Variants in GSE1 observed in about 807,000 individuals in gnomAD.
The protein encoded by GSE1 is genetic suppressor element 1.
Under a neutral mutation model 112.6 loss-of-function variants are expected in GSE1, and 32 were observed. The observed-to-expected ratio is 0.28, with a 90% CI of 0.21 to 0.38. The LOEUF (loss-of-function observed/expected upper bound fraction) is 0.38, where lower values mean the gene tolerates loss of function less well. Ranked by LOEUF, GSE1 falls within the 10% of genes least tolerant of loss-of-function variation. The probability of loss-of-function intolerance (pLI) is 1.00; values close to 1 mark genes in which losing one functional copy is unlikely to be tolerated. For synonymous variants in GSE1, 1,115 were observed against 735.6 expected (o/e 1.52, Z -8.35); for missense variants, 2,348 against 1,699.2 (o/e 1.38, Z -6.71).
intron 2 of GSE1, among the ~76,000 whole-genome samples, chr16:85,425,355 GA>G (rs1331700165): frequency 2.0e-5 from 2 of 102,382 alleles, no homozygotes; most frequent in Non-Finnish European, 4.9e-5. Context: ...AGGGCCAAGG[GA>G]AAGGGTGGAG....
intron 1 of GSE1, among the ~76,000 whole-genome samples, chr16:85,272,697 A>G (rs2144192624): frequency 6.6e-6 from 1 of 151,664 alleles, no homozygotes; most frequent in South Asian, 2.1e-4. Flanking sequence ...GAGAAAAGAG[A>G]ACCTGAAGCT....
At chr16:85,492,274 G>A (rs944365928) in intron 2 of GSE1, among the ~76,000 whole-genome samples, 2 of 152,158 alleles carry the variant, frequency 1.3e-5, no homozygotes, top group African/African-American at 4.8e-5. Flanking sequence ...CCGTCGGCCT[G>A]TGCTGAGGTT....
chr16:85,472,484 A>G (rs2050325877), intron 2 of GSE1, among the ~76,000 whole-genome samples: 1 of 152,196 alleles, frequency 6.6e-6, no homozygotes. Context: ...AGGACAGCTC[A>G]TTGGCCTTAG....
At chr16:85,478,945 CTT>C (rs557331164) in intron 2 of GSE1, among the ~76,000 whole-genome samples, 1 of 84,688 alleles carries the variant, frequency 1.2e-5, no homozygotes, top group Non-Finnish European at 2.3e-5. Context: ...TTCTTTCTTT[CTT>C]TTTTTTTCTT....
chr16:85,422,578 CA>C (rs2048873957), intron 2 of GSE1, among the ~76,000 whole-genome samples: 1 of 116,776 alleles, frequency 8.6e-6, no homozygotes, highest in Non-Finnish European at 1.9e-5. Context: ...CTGTTCTGGC[CA>C]AAAGAAAAAA....
intron 3 of GSE1, among the ~76,000 whole-genome samples, chr16:85,651,421 C>G (rs1418401564): frequency 6.6e-6 from 1 of 152,120 alleles, no homozygotes; most frequent in East Asian, 2.0e-4. Context: ...GCCCCCCGGA[C>G]TCCCTGTTTG....
chr16:85,415,614 G>T (rs2048686339), intron 2 of GSE1, among the ~76,000 whole-genome samples: 1 of 152,238 alleles, frequency 6.6e-6, no homozygotes, highest in African/African-American at 2.4e-5. Flanking sequence ...GGCCTCTGCT[G>T]ACCCCGTGAT....
At chr16:85,335,693 A>G (rs1378819832) in intron 1 of GSE1, among the ~76,000 whole-genome samples, 1 of 152,196 alleles carries the variant, frequency 6.6e-6, no homozygotes, top group Non-Finnish European at 1.5e-5. Flanking sequence ...CAGCAATAAC[A>G]CTGTTGGCTG....
At chr16:85,284,869 T>C (rs2968429) in intron 1 of GSE1, 115,229 of 152,156 alleles carry the variant, frequency 0.76, 44,588 homozygotes, top group East Asian at 0.9. Context: ...GGTGTCTGGG[T>C]TCTTTTTTGG....
intron 2 of GSE1, among the ~76,000 whole-genome samples, chr16:85,523,759 T>G (rs2052269832): frequency 1.3e-5 from 2 of 152,192 alleles, no homozygotes; most frequent in Non-Finnish European, 1.5e-5. Flanking sequence ...CCTGGCCTGG[T>G]AGCTCAGTCT....
intron 2 of GSE1, among the ~76,000 whole-genome samples, chr16:85,439,608 G>T (rs2049329894): frequency 6.6e-6 from 1 of 152,274 alleles, no homozygotes; most frequent in African/African-American, 2.4e-5. Context: ...TGTGTCAGTG[G>T]GGGGTGGGCT....
upstream of GSE1, chr16:85,555,622 GAAACA>G (rs2045167044): frequency 3.1e-6 from 3 of 967,736 alleles, no homozygotes; most frequent in Non-Finnish European, 3.7e-6. Flanking sequence ...TAGCTAAGGG[GAAACA>G]AAACAAAGCC....
intron 2 of GSE1, among the ~76,000 whole-genome samples, chr16:85,550,407 ACAG>A (rs777147563): frequency 2.0e-5 from 3 of 152,164 alleles, no homozygotes; most frequent in Admixed American, 6.5e-5. Flanking sequence ...AGTGCTTAGA[ACAG>A]CAGCTGGCAC....
At chr16:85,620,979 C>G (rs1159604988) in intron 1 of GSE1, among the ~76,000 whole-genome samples, 1 of 149,352 alleles carries the variant, frequency 6.7e-6, no homozygotes, top group African/African-American at 2.5e-5. Context: ...TGTAGATGGT[C>G]TCGGCCCGGG....
rs556294703 is a variant in GSE1 at position 85,614,599 on chromosome 16, G to C, written c.7+1201G>C. On this transcript the variant is annotated intron_variant, in intron 1 of 15. Coordinates refer to ENST00000253458, the MANE Select transcript of GSE1 (RefSeq NM_014615.5). ...TTTCCACGTGGTGGGCCGGGGGCCT[G>C]GCCGCAGTGCCCGTCTGAGTTCCGA... is the stretch of plus-strand genomic sequence containing the variant. Among the ~76,000 whole-genome samples, 8 of 152,364 alleles carry C rather than the reference G, an allele frequency of 5.3e-5. No individual in the cohort carries two copies. The South Asian group carries it at 1.2e-3, about 24-fold the overall frequency.
intron 1 of GSE1, among the ~76,000 whole-genome samples, chr16:85,573,851 T>G (rs749878185): frequency 6.6e-6 from 1 of 152,168 alleles, no homozygotes; most frequent in Non-Finnish European, 1.5e-5. Flanking sequence ...TCCTGGGAAC[T>G]CAAGAAAATG....
rs754222091 is a variant in GSE1 at position 85,666,012 on chromosome 16, A to C, written c.2795A>C (p.Lys932Thr). The change falls in exon 13 of 16, where the codon AAG (lysine) becomes ACG (threonine). Residue 932 changes from lysine (K) to threonine (T), a missense_variant. Physicochemically the swap from Lys to Thr is moderately conservative, Grantham distance 78. Coordinates refer to ENST00000253458, the MANE Select transcript of GSE1 (RefSeq NM_014615.5). ...CAGCAAGCCTCTCTGGATGTGGAGA[A>C]GCCGGTTGGTGTTGCTGCTTCCTTG... ...ATQQASLDVE[K>T]PVGVAASLSD... 22 of 1,613,540 alleles carry C rather than the reference A, an allele frequency of 1.4e-5. No individual in the cohort carries two copies. Among genetic ancestry groups the C allele is most frequent in the Non-Finnish European group, 1.8e-5 (21 of 1,179,966 alleles).
At chr16:85,265,995 C>T (rs992241440) in intron 1 of GSE1, among the ~76,000 whole-genome samples, 1 of 152,146 alleles carries the variant, frequency 6.6e-6, no homozygotes, top group Non-Finnish European at 1.5e-5. Context: ...GGGTGGCCTG[C>T]GGGTCCTTGG....
intron 1 of GSE1, among the ~76,000 whole-genome samples, chr16:85,324,752 CAG>C (rs1265054785): frequency 3.3e-5 from 5 of 151,990 alleles, no homozygotes; most frequent in African/African-American, 1.2e-4. Context: ...GGCAAATCCA[CAG>C]AGACAGGAAG....
Sources: gnomAD v4.1 joint callset for allele counts (sites outside exome capture counted in the v4.1 genomes callset) on GRCh38, gnomAD v4.1.1 for gene constraint, MANE v1.5 for transcripts, NCBI Gene and HGNC (gene_info 2026-07-23, HGNC 2026-07-21) for gene names.